Variants in LPA observed in about 807,000 individuals in gnomAD.
LPA encodes the protein apolipoprotein(a).
In LPA, 199 loss-of-function variants were observed where a neutral mutation model predicts 197.9. The observed-to-expected ratio is 1.01, with a 90% CI of 0.90 to 1.13. The LOEUF (loss-of-function observed/expected upper bound fraction) is 1.13. LPA is among the 50% of genes most tolerant of loss of function. The pLI, the probability that LPA is intolerant of heterozygous loss-of-function variation, is 0.00. For missense variants in LPA, 1,853 were observed against 1,785.8 expected, an observed-to-expected ratio of 1.04 and a Z score of -0.68; for synonymous variants, 715 against 639.5, an observed-to-expected ratio of 1.12 and a Z score of -1.78.
chr6:160,566,268 G>A (rs1330771370), intron 28 of LPA, among the ~76,000 whole-genome samples: 4 of 152,136 alleles, frequency 2.6e-5, no homozygotes, highest in African/African-American at 9.7e-5. Flanking sequence ...ACAAAGGGAA[G>A]CCCATCAGAC....
At chr6:160,587,880 G>A (rs763753111) in intron 24 of LPA, among the ~76,000 whole-genome samples, 7 of 151,644 alleles carry the variant, frequency 4.6e-5, no homozygotes, top group East Asian at 1.9e-4. Flanking sequence ...CTTTCCTACC[G>A]TAATGTCTAA....
At chr6:160,550,345 G>T (rs950303601) in intron 30 of LPA, among the ~76,000 whole-genome samples, 1 of 152,022 alleles carries the variant, frequency 6.6e-6, no homozygotes, top group Non-Finnish European at 1.5e-5. Context: ...TTCATGACAT[G>T]TGGCTGTCTG....
At chr6:160,592,829 C>T (rs1399150841) in intron 22 of LPA, among the ~76,000 whole-genome samples, 4 of 152,138 alleles carry the variant, frequency 2.6e-5, no homozygotes, top group Non-Finnish European at 4.4e-5. Flanking sequence ...CTTTCTTTGA[C>T]CTCTACTGAA....
rs187348423 is a variant in LPA at position 160,565,863 on chromosome 6, C to T, written c.4632-8292G>A. Among the ~76,000 whole-genome samples the T allele has an allele frequency of 1.9e-3, 286 of 152,118 alleles. 3 individuals are homozygous for T. In the Middle Eastern group the frequency reaches 0.02, roughly 11 times the overall value. The stretch of plus-strand genomic sequence containing the variant: ...TCTAATGGAGCTGAAAACCATGGCA[C>T]GAGAACTACGTGACACATGAACAAG... On this transcript the variant is annotated intron_variant, in intron 28 of 38. Transcript: ENST00000316300.
At chr6:160,540,469 G>C (rs780412643) in intron 35 of LPA, among the ~76,000 whole-genome samples, 4 of 152,220 alleles carry the variant, frequency 2.6e-5, no homozygotes, top group Non-Finnish European at 5.9e-5. Flanking sequence ...AAGGGGTTTG[G>C]ATCATAGAGG....
At chr6:160,598,528 T>C (rs909617488) in intron 20 of LPA, among the ~76,000 whole-genome samples, 1 of 152,216 alleles carries the variant, frequency 6.6e-6, no homozygotes, top group Admixed American at 6.5e-5. Flanking sequence ...TCCTCTAGCA[T>C]CTGTTGTTCA....
rs1031642835 is a variant in LPA, at chr6:160,577,155, G to C, written c.4612C>G (p.Pro1538Ala). 22 of 1,613,500 alleles carry C rather than the reference G, an allele frequency of 1.4e-5. No homozygotes were observed. The African/African-American group carries it at 2.5e-4, about 19-fold the overall frequency. ...ACATACGCATTTGGGTAGTTTTCTG[G>C]GGTCCTCTGATGCCAGTGTGGTATC... Reference protein sequence around the residue: ...SMIPHWHQRTPENYPNAGLTE... With the variant: ...SMIPHWHQRTAENYPNAGLTE... Residue 1538 changes from proline to alanine, a missense_variant, in exon 28 of 39, where the codon CCA (proline) becomes GCA (alanine). This residue lies in a region of LPA where 1,737 missense variants were observed against 1,504.4 expected (regional missense o/e 1.15). Coordinates refer to ENST00000316300, the MANE Select transcript of LPA (RefSeq NM_005577.4).
At chr6:160,580,494 T>C (rs1778773177) in intron 26 of LPA, among the ~76,000 whole-genome samples, 1 of 152,190 alleles carries the variant, frequency 6.6e-6, no homozygotes, top group African/African-American at 2.4e-5. Context: ...CAGACTGATT[T>C]TTTAATTTGT....
chr6:160,659,917 G>A (rs182335436), intron 1 of LPA, among the ~76,000 whole-genome samples: 35 of 152,332 alleles, frequency 2.3e-4, no homozygotes, highest in South Asian at 1.2e-3. Context: ...AAAGTACAAC[G>A]GGTACGGCTA....
chr6:160,531,804 G>T lies in LPA; in HGVS notation c.6048C>A (p.Arg2016=), dbSNP rs750090409. The change falls in exon 39 of 39, where the codon CGC becomes CGA. Residue 2016 remains arginine (R), a synonymous_variant. Transcript: ENST00000316300. ...GAGCATAGACACCAGGCTTATTGGG[G>T]CGTGCACAGCCAAGACCCCAAGAAG... is the stretch of plus-strand genomic sequence containing the variant. ...GVTSWGLGCA[R]PNKPGVYARV... is the part of the protein sequence containing the mutation. 2 of 1,614,074 alleles carry T rather than the reference G, an allele frequency of 1.2e-6. No homozygotes were observed. Among genetic ancestry groups the T allele is most frequent in the East Asian group, 4.5e-5 (2 of 44,878 alleles).
intron 1 of LPA, among the ~76,000 whole-genome samples, chr6:160,656,415 CT>C (rs1431063476): frequency 6.6e-6 from 1 of 152,106 alleles, no homozygotes; most frequent in Non-Finnish European, 1.5e-5. Context: ...CATTTTGGCA[CT>C]GGGAAAATGA....
chr6:160,557,549 T>C lies in LPA; in HGVS notation c.4654A>G (p.Arg1552Gly), dbSNP rs760679789. 6.2e-7 allele frequency: 1 copy of C among 1,614,084 alleles called. No homozygotes were observed. Among genetic ancestry groups the C allele is most frequent in the Non-Finnish European group, 8.5e-7 (1 of 1,179,994 alleles). Residue 1552 changes from arginine (R) to glycine (G), a missense_variant, in exon 29 of 39, where the codon AGG becomes GGG. By Grantham distance (125) the Arg-to-Gly change is moderately radical (BLOSUM62 -2). This residue lies in a region of LPA where 1,737 missense variants were observed against 1,504.4 expected (regional missense o/e 1.15). Transcript: ENST00000316300. ...PNAGLTENYC[R>G]NPDSGKQPWC... ...GGTTGTTTCCCAGAATCTGGATTCCTGCAGTAGTTCTCGGTCAGGCCACTG... is the reference window on the plus strand; with the variant it reads ...GGTTGTTTCCCAGAATCTGGATTCCCGCAGTAGTTCTCGGTCAGGCCACTG...
chr6:160,602,599 G>A (rs1779265815), intron 18 of LPA, among the ~76,000 whole-genome samples: 1 of 152,212 alleles, frequency 6.6e-6, no homozygotes, highest in Admixed American at 6.5e-5. Flanking sequence ...GTGGGCTGCA[G>A]AAAGTTCTCC....
At position 160,656,019 on chromosome 6, in the gene LPA, G is replaced by A. The variant is rs557900380; in HGVS notation, c.50-5522C>T. Among the ~76,000 whole-genome samples the A allele has an allele frequency of 2.8e-3, 432 of 152,336 alleles. 3 individuals carry two copies. Among genetic ancestry groups the A allele is most frequent in the Admixed American group, 6.4e-3 (98 of 15,306 alleles). On this transcript the variant is annotated intron_variant, in intron 1 of 38. Transcript: ENST00000316300. The stretch of plus-strand genomic sequence containing the variant: ...TTGCCAAGCCAATGGCTGCATACCA[G>A]GCACCAGGAGATGTGTTAATTTGCT...
intron 28 of LPA, among the ~76,000 whole-genome samples, chr6:160,569,512 C>G (rs1281684711): frequency 2.0e-5 from 3 of 151,836 alleles, no homozygotes; most frequent in Non-Finnish European, 4.4e-5. Context: ...AATGTTAGAC[C>G]TAAAACCATA....
Position 160,659,097 on chromosome 6 carries a change from C to T in LPA, c.49+5069G>A, listed in dbSNP as rs562990646. ...TCCCACAGCTGAAGAACTTGGAGTC[C>T]GATGTTCAAGAGCAGGAAGGATCCA... On this transcript the variant is annotated intron_variant, in intron 1 of 38. Coordinates refer to ENST00000316300, the MANE Select transcript of LPA (RefSeq NM_005577.4). 6.7e-4 allele frequency among the ~76,000 whole-genome samples: 102 copies of T among 152,106 alleles called. No homozygotes were observed. In the South Asian group the frequency reaches 0.012, roughly 18 times the overall value.
chr6:160,531,821 C>G lies in LPA; in HGVS notation c.6031G>C (p.Gly2011Arg), dbSNP rs1253341208. ...KYILQGVTSW[G>R]LGCARPNKPG... ...TTATTGGGGCGTGCACAGCCAAGAC[C>G]CCAAGAAGTGACTCCTTGTAAAATG... The change falls in exon 39 of 39, where the codon GGT (glycine) becomes CGT (arginine). Residue 2011 changes from glycine to arginine, a missense_variant. This residue lies in a region of LPA where 1,737 missense variants were observed against 1,504.4 expected (regional missense o/e 1.15). Coordinates refer to ENST00000316300, the MANE Select transcript of LPA (RefSeq NM_005577.4). The G allele has an allele frequency of 1.9e-6, 3 of 1,614,060 alleles. No homozygotes were observed. The highest frequency in any genetic ancestry group is 1.7e-5 in the Admixed American group (1 of 60,004).
rs200190762 is a variant in LPA, at chr6:160,605,125, C to T, written c.2866G>A (p.Val956Ile). The T allele has an allele frequency of 1.2e-6, 2 of 1,613,820 alleles. No individual in the cohort carries two copies. The highest frequency in any genetic ancestry group is 1.7e-6 in the Non-Finnish European group (2 of 1,179,858). ...CAAGCTTGGCAGGTTCTTCCTGTGA[C>T]AGTAATGAAGTATGTGCCTTGATAA... ...QSYQGTYFIT[V>I]TGRTCQAWSS... The change falls in exon 18 of 39, where the codon GTC becomes ATC. Residue 956 changes from valine (V) to isoleucine (I), a missense_variant. Transcript: ENST00000316300.
At chr6:160,602,518 A>T (rs1328816643) in intron 18 of LPA, among the ~76,000 whole-genome samples, 1 of 152,208 alleles carries the variant, frequency 6.6e-6, no homozygotes, top group Non-Finnish European at 1.5e-5. Context: ...ATTTAAAAAG[A>T]TATAGAAATT....
Sources: allele counts gnomAD v4.1 joint callset (sites outside exome capture counted in the v4.1 genomes callset), GRCh38; gene constraint gnomAD v4.1.1; regional missense constraint gnomAD v4.1.1; transcripts MANE v1.5; gene names NCBI Gene and HGNC (gene_info 2026-07-23, HGNC 2026-07-21).